INTS4: variants seen among roughly 807,000 people sequenced by gnomAD.
INTS4 encodes MSTP093.
INTS4 carries 70 observed loss-of-function variants against 119.5 expected under a neutral mutation model. The ratio of observed to expected loss-of-function variants is 0.59; its 90% CI spans 0.48 to 0.71. The LOEUF (loss-of-function observed/expected upper bound fraction) is 0.71. INTS4 is among the 30% of genes least tolerant of loss of function. INTS4 has a pLI of 0.00. For synonymous variants in INTS4, 316 were observed against 419.6 expected (o/e 0.75, Z 3.02); for missense variants, 867 against 1,173.2 (o/e 0.74, Z 3.81).
intron 8 of INTS4, among the ~76,000 whole-genome samples, chr11:77,941,801 C>T (rs1041796873): frequency 7.2e-5 from 11 of 152,024 alleles, no homozygotes; most frequent in African/African-American, 2.4e-4. Context: ...TCACCACGCC[C>T]GGCCACTATG....
chr11:77,974,789 T>G (rs923594459), intron 4 of INTS4, among the ~76,000 whole-genome samples: 1 of 151,872 alleles, frequency 6.6e-6, no homozygotes, highest in African/African-American at 2.4e-5. Flanking sequence ...TATGTAGATA[T>G]GGGGTCTTCC....
chr11:77,960,926 C>T (rs1453059720), intron 5 of INTS4, 27 bp downstream of exon 5: 1 of 1,577,186 alleles, frequency 6.3e-7, no homozygotes, highest in Admixed American at 1.8e-5. Flanking sequence ...AACACTAGCC[C>T]CAACTAGTTT....
chr11:77,887,742 A>G (rs1952078710), intron 21 of INTS4, among the ~76,000 whole-genome samples: 1 of 152,196 alleles, frequency 6.6e-6, no homozygotes, highest in African/African-American at 2.4e-5. Context: ...TACAAAATCA[A>G]TGTGCAAAAA....
At chr11:77,911,729 C>T (rs1467009044) in intron 15 of INTS4, among the ~76,000 whole-genome samples, 1 of 152,234 alleles carries the variant, frequency 6.6e-6, no homozygotes, top group Non-Finnish European at 1.5e-5. Flanking sequence ...AGACATCCAT[C>T]AGGAGACTAT....
At chr11:77,908,850 A>G (rs1953024659) in intron 15 of INTS4, among the ~76,000 whole-genome samples, 2 of 151,822 alleles carry the variant, frequency 1.3e-5, no homozygotes, top group African/African-American at 2.4e-5. Flanking sequence ...ATTTTTTAAA[A>G]GGTATTATGG....
intron 15 of INTS4, chr11:77,911,245 T>C (rs1399094145): frequency 1.1e-6 from 1 of 938,362 alleles, no homozygotes; most frequent in Non-Finnish European, 1.3e-6. Context: ...TTGCTTGAAC[T>C]GGTCCTGGAG....
intron 18 of INTS4, among the ~76,000 whole-genome samples, chr11:77,898,290 G>A (rs1335957164): frequency 6.6e-6 from 1 of 152,144 alleles, no homozygotes; most frequent in Non-Finnish European, 1.5e-5. Context: ...AGCCTCCCGA[G>A]TAGCTGGGAT....
intron 5 of INTS4, 24 bp from the exon 6 acceptor site, chr11:77,960,415 A>C (rs201937342): frequency 6.6e-7 from 1 of 1,512,186 alleles, no homozygotes; most frequent in Admixed American, 1.7e-5. Context: ...ATATAGTTTA[A>C]GTGCTTGGGA....
chr11:77,941,064 T>C (rs921993165), intron 9 of INTS4, 116 bp downstream of exon 9: 31 of 1,380,154 alleles, frequency 2.2e-5, no homozygotes, highest in Non-Finnish European at 3.0e-5. Context: ...TAAAATGTAA[T>C]ACAGTTATCA....
Position 77,950,159 on chromosome 11 carries a change from T to C in INTS4, c.918+5783A>G, listed in dbSNP as rs139611959. On this transcript the variant is annotated intron_variant, in intron 8 of 22. Coordinates refer to ENST00000534064, the MANE Select transcript of INTS4 (RefSeq NM_033547.4). ...GCATGTTCTCACTCATAAGTGAGAG[T>C]TGAACAATGTGAACACATGGACACA... Among the ~76,000 whole-genome samples, 559 of 151,426 alleles carry C rather than the reference T, an allele frequency of 3.7e-3. 4 individuals carry two copies. The highest frequency in any genetic ancestry group is 0.013 in the African/African-American group (524 of 41,210).
At chr11:77,894,395 C>T (rs1190509691) in intron 18 of INTS4, 46 bp from the exon 19 acceptor site, 7 of 1,032,958 alleles carry the variant, frequency 6.8e-6, no homozygotes. Context: ...AATCTGCAAA[C>T]TGAGGAGGAC....
At chr11:77,981,700 G>A (rs1440751806) in intron 2 of INTS4, 124 bp from the exon 3 acceptor site, 3 of 433,952 alleles carry the variant, frequency 6.9e-6, no homozygotes, top group Non-Finnish European at 1.2e-5. Context: ...CATCATTTCT[G>A]AAAAATTAAT....
At chr11:77,900,317 T>C (rs1246184150) in intron 18 of INTS4, among the ~76,000 whole-genome samples, 2 of 152,284 alleles carry the variant, frequency 1.3e-5, no homozygotes, top group East Asian at 1.9e-4. Context: ...GCCAGGATGC[T>C]CTTGATCTCC....
chr11:77,956,120 A>T, intron 7 of INTS4, 58 bp from the exon 8 acceptor site: 1 of 1,542,140 alleles, frequency 6.5e-7, no homozygotes. Flanking sequence ...CTAAGTCTGC[A>T]GGCTCAGGCC....
intron 1 of INTS4, among the ~76,000 whole-genome samples, chr11:77,993,723 G>T (rs1856789961): frequency 6.6e-6 from 1 of 152,110 alleles, no homozygotes; most frequent in Non-Finnish European, 1.5e-5. Flanking sequence ...GATGCTCTAA[G>T]CCTTGCCACT....
chr11:77,888,417 A>C (rs1348487278), intron 21 of INTS4, among the ~76,000 whole-genome samples: 1 of 152,256 alleles, frequency 6.6e-6, no homozygotes, highest in Non-Finnish European at 1.5e-5. Context: ...TTATACAAAA[A>C]TTAATTCAAG....
chr11:77,984,662 C>T (rs1405319915), intron 2 of INTS4, among the ~76,000 whole-genome samples: 1 of 151,946 alleles, frequency 6.6e-6, no homozygotes, highest in Non-Finnish European at 1.5e-5. Flanking sequence ...ACTTAACACA[C>T]ATGAACTGCA....
At chr11:77,879,216 A>C in intron 22 of INTS4, 89 bp from the exon 23 acceptor site, 1 of 1,396,584 alleles carries the variant, frequency 7.2e-7, no homozygotes, top group Non-Finnish European at 9.8e-7. Flanking sequence ...TCAAAATGGA[A>C]GCAGTAGGGA....
At chr11:77,904,672 C>A (rs986421107) in intron 16 of INTS4, among the ~76,000 whole-genome samples, 2 of 152,164 alleles carry the variant, frequency 1.3e-5, no homozygotes, top group African/African-American at 4.8e-5. Context: ...TACTTCTAAT[C>A]ATTTCTTGTA....
Sources: gnomAD v4.1 joint callset for allele counts (sites outside exome capture counted in the v4.1 genomes callset) on GRCh38, gnomAD v4.1.1 for gene constraint, MANE v1.5 for transcripts, NCBI Gene and HGNC (gene_info 2026-07-23, HGNC 2026-07-21) for gene names.